The following SVIL variants were observed in gnomAD, a reference collection of about 807,000 sequenced individuals.
SVIL encodes archvillin.
A neutral mutation model predicts 240.4 loss-of-function variants in SVIL; 101 were observed. That is an observed-to-expected ratio of 0.42 (90% CI 0.36 to 0.50). SVIL has a LOEUF of 0.50. Among genes scored for constraint, SVIL ranks in the 20% least tolerant of loss-of-function variants. The pLI, the probability that SVIL is intolerant of heterozygous loss-of-function variation, is 0.01. For missense variants in SVIL, 2,512 were observed against 2,818.7 expected, an observed-to-expected ratio of 0.89 and a Z score of 2.46; for synonymous variants, 999 against 1,100.0, an observed-to-expected ratio of 0.91 and a Z score of 1.82.
chr10:29,519,985 T>A (rs533252830), intron 16 of SVIL, among the ~76,000 whole-genome samples: 1 of 150,076 alleles, frequency 6.7e-6, no homozygotes, highest in African/African-American at 2.5e-5. Flanking sequence ...AGTATCTCAC[T>A]TTTAAAAATG....
chr10:29,478,489 C>G (rs12242051), intron 29 of SVIL, among the ~76,000 whole-genome samples: 1 of 152,086 alleles, frequency 6.6e-6, no homozygotes. Flanking sequence ...AAAACCAAGG[C>G]TCAGACAGAG....
chr10:29,578,943 C>T (rs1955818408), intron 1 of SVIL, among the ~76,000 whole-genome samples: 1 of 130,052 alleles, frequency 7.7e-6, no homozygotes, highest in South Asian at 2.4e-4. Flanking sequence ...AATCTGAAGC[C>T]ATGATGTGAA....
intron 3 of SVIL, chr10:29,644,047 T>C: frequency 9.7e-6 from 5 of 517,596 alleles, no homozygotes; most frequent in East Asian, 5.5e-5. Flanking sequence ...AAGTGTGACA[T>C]GCTCCGTTTG....
At chr10:29,538,822 T>C (rs748641366) in intron 6 of SVIL, among the ~76,000 whole-genome samples, 13 of 152,204 alleles carry the variant, frequency 8.5e-5, no homozygotes, top group Admixed American at 2.0e-4. Context: ...GCGACCCCAT[T>C]CTAAGTTGAG....
intron 1 of SVIL, among the ~76,000 whole-genome samples, chr10:29,698,709 GAAAAA>G (rs71909536): frequency 6.9e-6 from 1 of 144,298 alleles, no homozygotes; most frequent in Admixed American, 6.8e-5. Context: ...ATTACTCCAG[GAAAAA>G]AAAAAAAAAG....
At chr10:29,635,706 C>A (rs955170795), upstream of SVIL, among the ~76,000 whole-genome samples, 1 of 152,196 alleles carries the variant, frequency 6.6e-6, no homozygotes, top group African/African-American at 2.4e-5. Flanking sequence ...TGAATACACT[C>A]AAACAAATAT....
chr10:29,470,601 C>T, intron 31 of SVIL, 118 bp from the exon 32 acceptor site: 2 of 1,166,216 alleles, frequency 1.7e-6, no homozygotes, highest in Non-Finnish European at 2.4e-6. Context: ...GGGCCAGGGA[C>T]TTAGGGGACT....
chr10:29,713,672 A>G (rs902266449), intron 1 of SVIL, among the ~76,000 whole-genome samples: 2 of 152,158 alleles, frequency 1.3e-5, no homozygotes, highest in Non-Finnish European at 2.9e-5. Flanking sequence ...CTGTGTTCCA[A>G]TAAAACTTTA....
intron 2 of SVIL, among the ~76,000 whole-genome samples, chr10:29,564,016 G>A (rs1954748466): frequency 6.6e-6 from 1 of 152,096 alleles, no homozygotes; most frequent in Non-Finnish European, 1.5e-5. Context: ...TACTCAGCGA[G>A]GTGCTGATAA....
chr10:29,674,185 A>C (rs967839768), intron 2 of SVIL, among the ~76,000 whole-genome samples: 1 of 152,144 alleles, frequency 6.6e-6, no homozygotes, highest in Admixed American at 6.5e-5. Context: ...AAATTAAAAA[A>C]TTAGCCAGAC....
In SVIL at chr10:29,461,604, T is replaced by G. The variant is rs1197572892; in HGVS notation, c.6402+673A>C. ...ACCAAATCAAAACAAATCCTTGGATTTGCTATTCCTAGCAATGTTAATAGC... is the reference window on the plus strand; with the variant it reads ...ACCAAATCAAAACAAATCCTTGGATGTGCTATTCCTAGCAATGTTAATAGC... On this transcript the variant is annotated intron_variant, in intron 36 of 37. Transcript: ENST00000355867. Among the ~76,000 whole-genome samples the G allele has an allele frequency of 2.0e-5, 3 of 152,372 alleles. No individual in the cohort carries two copies. In the East Asian group the frequency reaches 5.8e-4, roughly 29 times the overall value.
At chr10:29,655,996 G>A (rs563485064) in intron 3 of SVIL, among the ~76,000 whole-genome samples, 3 of 150,332 alleles carry the variant, frequency 2.0e-5, no homozygotes, top group Non-Finnish European at 3.0e-5. Context: ...TCAGCCTCCC[G>A]AGTAGCTGGG....
rs766197220 is a variant in SVIL, at chr10:29,514,826, A to G, written c.3390-1965T>C. Among the ~76,000 whole-genome samples, 71 of 152,198 alleles carry G rather than the reference A, an allele frequency of 4.7e-4. 1 individual carries two copies. The highest frequency in any genetic ancestry group is 1.5e-4 in the Non-Finnish European group (10 of 68,040). The stretch of plus-strand genomic sequence containing the variant: ...CCTTCTTCCAAGCTTCCCGATTCCC[A>G]TTAAATATTTGTTTTGGAGATGGGA... On this transcript the variant is annotated intron_variant, in intron 16 of 37. Transcript: ENST00000355867.
rs555214862 is a variant in SVIL, at chr10:29,470,259, G to A, written c.5843+17C>T. ...AGCCCGGTGTGTGGGGGGACTCGCC[G>A]CAGACACAACACTCACTGTTCCTTG... On this transcript the variant is annotated intron_variant, in intron 32 of 37. Transcript: ENST00000355867. 1.4e-5 allele frequency: 22 copies of A among 1,613,752 alleles called. No individual in the cohort carries two copies. Among genetic ancestry groups the A allele is most frequent in the Admixed American group, 3.3e-5 (2 of 60,020 alleles).
chr10:29,595,537 G>A (rs562408667), intron 1 of SVIL, among the ~76,000 whole-genome samples: 2 of 152,328 alleles, frequency 1.3e-5, no homozygotes, highest in East Asian at 1.9e-4. Context: ...CAAAGAAGGC[G>A]AATTCCATTC....
chr10:29,539,303 T>C (rs1305008866), intron 6 of SVIL, among the ~76,000 whole-genome samples: 2 of 152,258 alleles, frequency 1.3e-5, no homozygotes, highest in African/African-American at 4.8e-5. Context: ...TGAAAGTTTA[T>C]GAATTTCTCT....
intron 1 of SVIL, among the ~76,000 whole-genome samples, chr10:29,725,859 G>A (rs1048043058): frequency 4.6e-5 from 7 of 152,172 alleles, no homozygotes; most frequent in African/African-American, 1.7e-4. Flanking sequence ...GATCCCCATG[G>A]TACATCCTTT....
intron 1 of SVIL, among the ~76,000 whole-genome samples, chr10:29,730,804 A>G (rs1386025345): frequency 6.6e-6 from 1 of 152,198 alleles, no homozygotes; most frequent in Non-Finnish European, 1.5e-5. Context: ...CTTATTTTAC[A>G]ACCTTTTATA....
chr10:29,507,573 A>G (rs1010307340), intron 17 of SVIL, among the ~76,000 whole-genome samples: 32 of 149,222 alleles, frequency 2.1e-4, no homozygotes, highest in African/African-American at 7.5e-4. Flanking sequence ...ACACACTCTC[A>G]TGGACACACA....
Sources: allele counts gnomAD v4.1 joint callset (sites outside exome capture counted in the v4.1 genomes callset), GRCh38; gene constraint gnomAD v4.1.1; transcripts MANE v1.5; gene names NCBI Gene and HGNC (gene_info 2026-07-23, HGNC 2026-07-21).